SEMA5A: variants seen among roughly 807,000 people sequenced by gnomAD.
The protein encoded by SEMA5A is semaphorin 5A, also known as semaphorin-5A.
In SEMA5A, 55 loss-of-function variants were observed where a neutral mutation model predicts 135.5. The observed-to-expected ratio is 0.41, with a 90% CI of 0.33 to 0.51. The LOEUF (loss-of-function observed/expected upper bound fraction) is 0.51, where lower values mean the gene tolerates loss of function less well. Ranked by LOEUF, SEMA5A falls within the 20% of genes least tolerant of loss-of-function variation. The probability of loss-of-function intolerance (pLI) is 0.37; values close to 1 mark genes in which losing one functional copy is unlikely to be tolerated. For synonymous variants in SEMA5A, 580 were observed against 546.5 expected, an observed-to-expected ratio of 1.06 and a Z score of -0.85; for missense variants, 1,290 against 1,419.9, an observed-to-expected ratio of 0.91 and a Z score of 1.47.
chr5:9,098,980 A>T (rs956405993), intron 16 of SEMA5A, among the ~76,000 whole-genome samples: 2 of 152,222 alleles, frequency 1.3e-5, no homozygotes, highest in African/African-American at 4.8e-5. Flanking sequence ...AAAAATTTTT[A>T]AAAACTATAG....
chr5:9,078,775 G>C (rs1157459795), intron 16 of SEMA5A, among the ~76,000 whole-genome samples: 1 of 152,034 alleles, frequency 6.6e-6, no homozygotes, highest in Non-Finnish European at 1.5e-5. Flanking sequence ...TAGAATAATA[G>C]AGTACTTATG....
At chr5:9,117,421 T>A (rs1740577079) in intron 15 of SEMA5A, among the ~76,000 whole-genome samples, 1 of 152,210 alleles carries the variant, frequency 6.6e-6, no homozygotes, top group South Asian at 2.1e-4. Context: ...GTGTTTTGGA[T>A]TTCACATTGT....
chr5:9,408,831 G>GT (rs1281574073), intron 2 of SEMA5A, among the ~76,000 whole-genome samples: 1 of 150,924 alleles, frequency 6.6e-6, no homozygotes, highest in African/African-American at 2.5e-5. Flanking sequence ...CAAATTTTTA[G>GT]TTATTTTTTT....
chr5:9,112,073 T>C (rs947453131), intron 15 of SEMA5A, among the ~76,000 whole-genome samples: 1 of 152,248 alleles, frequency 6.6e-6, no homozygotes, highest in Non-Finnish European at 1.5e-5. Flanking sequence ...CAAATGCTAT[T>C]GGCTCTTGAG....
chr5:9,251,492 A>AT (rs1161918262), intron 5 of SEMA5A, among the ~76,000 whole-genome samples: 1 of 152,180 alleles, frequency 6.6e-6, no homozygotes, highest in Non-Finnish European at 1.5e-5. Context: ...ATTCAATGCT[A>AT]TTTTCTAAAA....
chr5:9,320,967 A>T (rs1268152457), intron 4 of SEMA5A, among the ~76,000 whole-genome samples: 2 of 152,024 alleles, frequency 1.3e-5, no homozygotes, highest in Non-Finnish European at 2.9e-5. Flanking sequence ...CTGTGTCCCC[A>T]CCCAAATCTC....
intron 1 of SEMA5A, among the ~76,000 whole-genome samples, chr5:9,459,831 A>C (rs1758989358): frequency 1.3e-5 from 2 of 152,316 alleles, no homozygotes; most frequent in African/African-American, 4.8e-5. Context: ...TTGTTTATTC[A>C]ATGGAACTGG....
At chr5:9,238,484 A>G (rs911741438) in intron 5 of SEMA5A, among the ~76,000 whole-genome samples, 1 of 152,160 alleles carries the variant, frequency 6.6e-6, no homozygotes, top group Non-Finnish European at 1.5e-5. Flanking sequence ...AAATGTTTAG[A>G]GCCACAGCTT....
At chr5:9,308,031 A>G (rs1221509847) in intron 5 of SEMA5A, among the ~76,000 whole-genome samples, 1 of 152,234 alleles carries the variant, frequency 6.6e-6, no homozygotes, top group Non-Finnish European at 1.5e-5. Flanking sequence ...ATAATAAAGT[A>G]TGTACTTTTT....
intron 1 of SEMA5A, among the ~76,000 whole-genome samples, chr5:9,461,561 T>C: frequency 6.6e-6 from 1 of 152,296 alleles, no homozygotes; most frequent in East Asian, 1.9e-4. Flanking sequence ...TAGAGGCCCA[T>C]CATCTTCTGA....
intron 4 of SEMA5A, among the ~76,000 whole-genome samples, chr5:9,330,298 A>G (rs1476509989): frequency 5.3e-5 from 8 of 151,730 alleles, no homozygotes; most frequent in African/African-American, 7.3e-5. Flanking sequence ...GCTGAGGCAG[A>G]AGAATGGCGT....
intron 6 of SEMA5A, among the ~76,000 whole-genome samples, chr5:9,234,235 G>C (rs1022673950): frequency 1.1e-4 from 16 of 152,134 alleles, no homozygotes; most frequent in African/African-American, 3.6e-4. Context: ...AGTTCAGGGG[G>C]CAGTCCTTCG....
chr5:9,097,471 A>G (rs1412755005), intron 16 of SEMA5A, among the ~76,000 whole-genome samples: 2 of 152,232 alleles, frequency 1.3e-5, no homozygotes, highest in Non-Finnish European at 2.9e-5. Context: ...TCTTTTGAGC[A>G]GATGTATGTC....
chr5:9,075,395 T>C (rs1051443662), intron 16 of SEMA5A, among the ~76,000 whole-genome samples: 1 of 137,608 alleles, frequency 7.3e-6, no homozygotes, highest in Admixed American at 7.5e-5. Flanking sequence ...AAAGCTTTAA[T>C]TGTAATAGAC....
intron 11 of SEMA5A, among the ~76,000 whole-genome samples, chr5:9,158,272 T>C (rs1043026996): frequency 3.9e-5 from 6 of 152,118 alleles, no homozygotes; most frequent in Admixed American, 2.0e-4. Flanking sequence ...AAACATGAAT[T>C]TCACCAATAT....
At chr5:9,170,448 C>T (rs1305335942) in intron 11 of SEMA5A, among the ~76,000 whole-genome samples, 3 of 152,110 alleles carry the variant, frequency 2.0e-5, no homozygotes, top group African/African-American at 7.2e-5. Context: ...AGAGACAGGA[C>T]ATGCATATTG....
Position 9,342,375 on chromosome 5 carries a change from C to T in SEMA5A, c.125-4563G>A, listed in dbSNP as rs536771607. Among the ~76,000 whole-genome samples the T allele has an allele frequency of 4.5e-4, 69 of 152,288 alleles. 2 individuals are homozygous for T. In the South Asian group the frequency reaches 0.014, roughly 31 times the overall value. ...GCAAACACTGACCAGGGAAACCTCCCAGGCACACTAAGGGCTGGCTCCGGA... is the reference window on the plus strand; with the variant it reads ...GCAAACACTGACCAGGGAAACCTCCTAGGCACACTAAGGGCTGGCTCCGGA... On this transcript the variant is annotated intron_variant, in intron 3 of 22. Coordinates refer to ENST00000382496, the MANE Select transcript of SEMA5A (RefSeq NM_003966.3).
At chr5:9,366,609 C>T (rs1754925870) in intron 3 of SEMA5A, among the ~76,000 whole-genome samples, 1 of 152,154 alleles carries the variant, frequency 6.6e-6, no homozygotes, top group African/African-American at 2.4e-5. Context: ...AGGACGGTCT[C>T]CATCTCCTGA....
chr5:9,111,350 C>A (rs1475093214), intron 15 of SEMA5A, among the ~76,000 whole-genome samples: 1 of 152,044 alleles, frequency 6.6e-6, no homozygotes, highest in East Asian at 1.9e-4. Flanking sequence ...TTATAAAACC[C>A]CTGACTTTTA....
Sources: allele counts gnomAD v4.1 joint callset (sites outside exome capture counted in the v4.1 genomes callset), GRCh38; gene constraint gnomAD v4.1.1; transcripts MANE v1.5; gene names NCBI Gene and HGNC (gene_info 2026-07-23, HGNC 2026-07-21).